The following TOX variants were observed in gnomAD, a reference collection of about 807,000 sequenced individuals.
TOX encodes thymocyte selection-associated high mobility group box protein TOX.
TOX carries 11 observed loss-of-function variants against 53.7 expected under a neutral mutation model. The ratio of observed to expected loss-of-function variants is 0.20; its 90% CI spans 0.13 to 0.34. TOX has a LOEUF of 0.34. Ranked by LOEUF, TOX falls within the 10% of genes least tolerant of loss-of-function variation. The pLI, the probability that TOX is intolerant of heterozygous loss-of-function variation, is 1.00. For synonymous variants in TOX, 225 were observed against 245.3 expected (o/e 0.92, Z 0.77); for missense variants, 570 against 664.6 (o/e 0.86, Z 1.56).
intron 1 of TOX, among the ~76,000 whole-genome samples, chr8:58,999,524 GA>G (rs1214755091): frequency 6.6e-6 from 1 of 152,138 alleles, no homozygotes; most frequent in Non-Finnish European, 1.5e-5. Flanking sequence ...GGGAGGTGTG[GA>G]ACTGCTGGGG....
intron 1 of TOX, among the ~76,000 whole-genome samples, chr8:59,035,247 AAC>A (rs1305808723): frequency 6.6e-5 from 10 of 152,246 alleles, no homozygotes; most frequent in Admixed American, 6.5e-4. Flanking sequence ...AATCCAATAA[AAC>A]AACAGATTTT....
intron 2 of TOX, among the ~76,000 whole-genome samples, chr8:58,956,059 A>ACAGAAGAG (rs1221219763): frequency 2.0e-5 from 3 of 152,146 alleles, no homozygotes; most frequent in Non-Finnish European, 4.4e-5. Flanking sequence ...TGAAACTGAC[A>ACAGAAGAG]CAGAAGAGGA....
intron 3 of TOX, among the ~76,000 whole-genome samples, chr8:58,873,228 C>T (rs1026788602): frequency 6.6e-6 from 1 of 152,056 alleles, no homozygotes; most frequent in Non-Finnish European, 1.5e-5. Context: ...AAGCCTAATG[C>T]TTTGGAAAGA....
At chr8:58,855,738 GA>G (rs1810902532) in intron 3 of TOX, among the ~76,000 whole-genome samples, 1 of 152,176 alleles carries the variant, frequency 6.6e-6, no homozygotes, top group Non-Finnish European at 1.5e-5. Flanking sequence ...AGCATGACAT[GA>G]AACCTTCCAA....
At chr8:59,034,163 C>T (rs1359063467) in intron 1 of TOX, among the ~76,000 whole-genome samples, 1 of 152,234 alleles carries the variant, frequency 6.6e-6, no homozygotes. Flanking sequence ...AATTGCTTAT[C>T]CCGTGCAGTT....
chr8:59,105,819 AATGAAAGCTT>A (rs1804889710), intron 1 of TOX, among the ~76,000 whole-genome samples: 1 of 152,188 alleles, frequency 6.6e-6, no homozygotes, highest in African/African-American at 2.4e-5. Flanking sequence ...TGTTACATAA[AATGAAAGCTT>A]ATGTATGGCA....
intron 1 of TOX, among the ~76,000 whole-genome samples, chr8:58,976,418 T>A (rs1414163324): frequency 1.3e-5 from 2 of 152,190 alleles, no homozygotes; most frequent in Non-Finnish European, 2.9e-5. Flanking sequence ...ATTTTGGTTA[T>A]CTTGCTATTT....
chr8:59,117,196 T>G lies in TOX; in HGVS notation c.102+1690A>C, dbSNP rs2129425336. ...TCTCCAAGATAGGGCTGCAACTTTA[T>G]TATTTTTTATTAGCAATAGTATTGG... is the stretch of plus-strand genomic sequence containing the variant. On this transcript the variant is annotated intron_variant, in intron 1 of 8. Transcript: ENST00000361421. This position sits in a 1 kb window ranked among gnomAD's most constrained non-coding sequence, Gnocchi z 4.6. Among the ~76,000 whole-genome samples the G allele has an allele frequency of 6.6e-6, 1 of 152,344 alleles. No homozygotes were observed. Among genetic ancestry groups the G allele is most frequent in the Non-Finnish European group, 1.5e-5 (1 of 68,034 alleles).
intron 1 of TOX, among the ~76,000 whole-genome samples, chr8:58,995,007 G>A (rs888769265): frequency 6.6e-5 from 10 of 152,114 alleles, no homozygotes; most frequent in African/African-American, 1.9e-4. Flanking sequence ...AAGTGTTCAC[G>A]CAGCAGTCTG....
At chr8:59,085,593 G>T (rs955310519) in intron 1 of TOX, among the ~76,000 whole-genome samples, 22 of 152,314 alleles carry the variant, frequency 1.4e-4, no homozygotes, top group African/African-American at 4.1e-4. Context: ...TCCCTCTGTT[G>T]CCCAGGCTGG....
chr8:58,900,529 T>G (rs1017924101), intron 3 of TOX, among the ~76,000 whole-genome samples: 2 of 152,182 alleles, frequency 1.3e-5, no homozygotes, highest in African/African-American at 4.8e-5. Flanking sequence ...TTTCAAGGTT[T>G]GGTTGTTTAG....
intron 3 of TOX, among the ~76,000 whole-genome samples, chr8:58,860,856 T>C (rs1194100624): frequency 6.6e-6 from 1 of 152,194 alleles, no homozygotes; most frequent in African/African-American, 2.4e-5. Context: ...TATAAAAAGG[T>C]ATTCCAGTTC....
chr8:59,108,564 C>T (rs567872186), intron 1 of TOX, among the ~76,000 whole-genome samples: 3 of 152,004 alleles, frequency 2.0e-5, no homozygotes, highest in Non-Finnish European at 2.9e-5. Context: ...CACTCATTCG[C>T]CTTTTGCATT....
intron 3 of TOX, among the ~76,000 whole-genome samples, chr8:58,933,376 A>G (rs945430577): frequency 4.6e-5 from 7 of 152,230 alleles, no homozygotes; most frequent in African/African-American, 1.4e-4. Flanking sequence ...TTCTTCAGCC[A>G]TGAATACTTA....
At chr8:58,879,506 A>T (rs1244840358) in intron 3 of TOX, among the ~76,000 whole-genome samples, 1 of 144,508 alleles carries the variant, frequency 6.9e-6, no homozygotes, top group Non-Finnish European at 1.5e-5. Flanking sequence ...TGACTTGGAG[A>T]TTGTGAAGTA....
At chr8:58,946,231 A>G (rs1385387974) in intron 2 of TOX, among the ~76,000 whole-genome samples, 1 of 152,202 alleles carries the variant, frequency 6.6e-6, no homozygotes, top group Non-Finnish European at 1.5e-5. Context: ...TGCATGATTC[A>G]GAGAACTGAA....
intron 1 of TOX, among the ~76,000 whole-genome samples, chr8:59,046,172 A>G (rs902750894): frequency 6.6e-6 from 1 of 152,210 alleles, no homozygotes; most frequent in African/African-American, 2.4e-5. Flanking sequence ...ATTGGACAAT[A>G]ACCACCAAAA....
chr8:59,086,033 T>C (rs1240122813), intron 1 of TOX, among the ~76,000 whole-genome samples: 2 of 147,006 alleles, frequency 1.4e-5, no homozygotes, highest in Admixed American at 6.9e-5. Context: ...TTGTCCAGGC[T>C]GGGGTGCAAT....
At chr8:58,945,426 CT>C (rs1812509472) in intron 2 of TOX, among the ~76,000 whole-genome samples, 5 of 152,124 alleles carry the variant, frequency 3.3e-5, no homozygotes, top group Admixed American at 1.3e-4. Context: ...GCTTGGATGC[CT>C]TTTCAGCCAT....
Sources: gnomAD v4.1 joint callset for allele counts (sites outside exome capture counted in the v4.1 genomes callset) on GRCh38, gnomAD v4.1.1 for gene constraint, Gnocchi (gnomAD v3.1) non-coding constraint, MANE v1.5 for transcripts, NCBI Gene and HGNC (gene_info 2026-07-23, HGNC 2026-07-21) for gene names.